The following MRAP2 variants were observed in gnomAD, a reference collection of about 807,000 sequenced individuals.
The protein encoded by MRAP2 is melanocortin-2 receptor accessory protein 2.
Under a neutral mutation model 17.4 loss-of-function variants are expected in MRAP2, and 20 were observed. The observed-to-expected ratio is 1.15, with a 90% confidence interval of 0.81 to 1.67. The LOEUF is 1.67. Ranked by LOEUF, MRAP2 falls within the 40% of genes most tolerant of loss-of-function variation. MRAP2 has a pLI of 0.00. For synonymous variants in MRAP2, 96 were observed against 88.4 expected, an observed-to-expected ratio of 1.09 and a Z score of -0.48; for missense variants, 238 against 240.0, an observed-to-expected ratio of 0.99 and a Z score of 0.05.
chr6:84,074,030 G>A (rs905048193), intron 3 of MRAP2, among the ~76,000 whole-genome samples: 1 of 152,078 alleles, frequency 6.6e-6, no homozygotes, highest in African/African-American at 2.4e-5. Flanking sequence ...TGAGCAGACT[G>A]TGGAGCTTCT....
chr6:84,113,896 T>G, the MRAP2 span, among the ~76,000 whole-genome samples: 1 of 152,164 alleles, frequency 6.6e-6, no homozygotes, highest in Non-Finnish European at 1.5e-5. Context: ...TTAAGAACAT[T>G]GAATATTGGC....
At chr6:84,106,785 A>G in the MRAP2 span, among the ~76,000 whole-genome samples, 1 of 152,088 alleles carries the variant, frequency 6.6e-6, no homozygotes, top group African/African-American at 2.4e-5. Context: ...TCACTTATAT[A>G]CCATTTCCAT....
the MRAP2 span, among the ~76,000 whole-genome samples, chr6:84,110,496 G>GGATAGATTGCAAAGATTTTCTAC: frequency 6.6e-6 from 1 of 151,954 alleles, no homozygotes; most frequent in South Asian, 2.1e-4. Context: ...TTTTCCAGAT[G>GGATAGATTGCAAAGATTTTCTAC]GATAGATTGC....
chr6:84,039,279 A>T (rs1334296598), intron 1 of MRAP2, among the ~76,000 whole-genome samples: 2 of 152,362 alleles, frequency 1.3e-5, no homozygotes, highest in East Asian at 3.9e-4. Context: ...AGACATCAGC[A>T]TAGCAAACAA....
Position 84,063,656 on chromosome 6 carries a change from A to C in MRAP2, c.227+664A>C, listed in dbSNP as rs73483234. ...TGGCTTGTAAAAAATTCAGAAATAT[A>C]TTAAAGGATTTATATATTTTATACC... On this transcript the variant is annotated intron_variant, in intron 3 of 3. Transcript: ENST00000257776. Among the ~76,000 whole-genome samples, 437 of 152,374 alleles carry C rather than the reference A, an allele frequency of 2.9e-3. 1 individual carries two copies. The highest frequency in any genetic ancestry group is 0.01 in the African/African-American group (417 of 41,594).
At chr6:84,116,326 C>T in the MRAP2 span, among the ~76,000 whole-genome samples, 3 of 152,032 alleles carry the variant, frequency 2.0e-5, no homozygotes, top group African/African-American at 7.2e-5. Flanking sequence ...GTGCTGTTAT[C>T]GTGATAGTAA....
chr6:84,074,136 C>A (rs2129171573), intron 3 of MRAP2, among the ~76,000 whole-genome samples: 1 of 152,228 alleles, frequency 6.6e-6, no homozygotes, highest in East Asian at 1.9e-4. Flanking sequence ...GAAAAAGGAA[C>A]CCATTCCCCA....
At chr6:84,093,588 C>T (rs1293959937), downstream of MRAP2, among the ~76,000 whole-genome samples, 1 of 149,910 alleles carries the variant, frequency 6.7e-6, no homozygotes, top group African/African-American at 2.5e-5. Flanking sequence ...AGGAAAAGGG[C>T]AGGCTGCTCC....
intron 1 of MRAP2, among the ~76,000 whole-genome samples, chr6:84,049,295 C>T (rs1203568218): frequency 6.6e-6 from 1 of 151,964 alleles, no homozygotes; most frequent in Non-Finnish European, 1.5e-5. Flanking sequence ...CATGGTGGTG[C>T]ACACCTGTAA....
chr6:84,122,984 T>TAC, the MRAP2 span, among the ~76,000 whole-genome samples: 23 of 150,598 alleles, frequency 1.5e-4, 1 homozygote, highest in Non-Finnish European at 2.1e-4. Flanking sequence ...TTATAATAGC[T>TAC]ACACACACAC....
At chr6:84,093,415 C>G (rs1341786948), downstream of MRAP2, among the ~76,000 whole-genome samples, 3 of 152,118 alleles carry the variant, frequency 2.0e-5, no homozygotes, top group Non-Finnish European at 2.9e-5. Context: ...TTTGCTCCCA[C>G]AGGACCCTAA....
rs140838423 is a variant in MRAP2 at position 84,069,478 on chromosome 6, TGTTGGACTCA to T, written c.227+6490_227+6499del. Among the ~76,000 whole-genome samples, 350 of 152,352 alleles carry T rather than the reference TGTTGGACTCA, an allele frequency of 2.3e-3. 2 individuals carry two copies. Among genetic ancestry groups the T allele is most frequent in the African/African-American group, 8.3e-3 (344 of 41,580 alleles). ...ATGGTGGATTACCTTTTTGATATGT[TGTTGGACTCA>T]GTTAGCTAGTATTTTGATAAGGATT... On this transcript the variant is annotated intron_variant, in intron 3 of 3. Coordinates refer to ENST00000257776, the MANE Select transcript of MRAP2 (RefSeq NM_138409.4).
chr6:84,055,250 G>A (rs1055187995), intron 1 of MRAP2, 62 bp from the exon 2 acceptor site: 1 of 1,549,358 alleles, frequency 6.5e-7, no homozygotes, highest in African/African-American at 1.4e-5. Context: ...GAGTAATTAA[G>A]GTAACTGTGC....
At chr6:84,092,778 T>C (rs987519786), downstream of MRAP2, among the ~76,000 whole-genome samples, 4 of 152,144 alleles carry the variant, frequency 2.6e-5, no homozygotes, top group African/African-American at 9.7e-5. Context: ...CCAAGAATAC[T>C]GTATTTTCAA....
the MRAP2 span, among the ~76,000 whole-genome samples, chr6:84,107,986 G>C: frequency 6.6e-6 from 1 of 152,192 alleles, no homozygotes; most frequent in African/African-American, 2.4e-5. Context: ...ACATAGCTTT[G>C]ATTTGTTGGT....
chr6:84,045,310 G>A (rs1466861826), intron 1 of MRAP2: 2 of 985,260 alleles, frequency 2.0e-6, no homozygotes, highest in Non-Finnish European at 2.4e-6. Flanking sequence ...AGCTGATGAG[G>A]CTGCGAGGGC....
At chr6:84,126,345 C>A in the MRAP2 span, 1 of 1,508,296 alleles carries the variant, frequency 6.6e-7, no homozygotes, top group Non-Finnish European at 8.9e-7. Flanking sequence ...AAAGTAAAGA[C>A]CTATATAAAT....
rs1417085820 is a variant in MRAP2 at position 84,062,080 on chromosome 6, A to G, written c.128-813A>G. ...CATGGTGAACGTAAGTGAGAATGCA[A>G]AGTTGCTACCTAATTGAGATGCTAA... On this transcript the variant is annotated intron_variant, in intron 2 of 3. Transcript: ENST00000257776. 6.1e-6 allele frequency: 6 copies of G among 985,348 alleles called. No homozygotes were observed. In the East Asian group the frequency reaches 6.8e-4, roughly 112 times the overall value. 61.0% of individuals were successfully genotyped at this position (985,348 alleles called of 1,614,324 possible). A position where few individuals can be genotyped will look rare whatever the true frequency, so the allele number is the denominator to read the frequency against.
intron 1 of MRAP2, among the ~76,000 whole-genome samples, chr6:84,038,181 A>G (rs1309071639): frequency 6.6e-6 from 1 of 152,256 alleles, no homozygotes; most frequent in Non-Finnish European, 1.5e-5. Flanking sequence ...GGCCCCTGGC[A>G]GCAGAAGTAG....
Sources: allele counts gnomAD v4.1 joint callset (sites outside exome capture counted in the v4.1 genomes callset), GRCh38; gene constraint gnomAD v4.1.1; transcripts MANE v1.5; gene names NCBI Gene and HGNC (gene_info 2026-07-23, HGNC 2026-07-21).